TXNRD1: variants seen among roughly 807,000 people sequenced by gnomAD.
TXNRD1 encodes the protein thioredoxin reductase 1.
Under a neutral mutation model 80.3 loss-of-function variants are expected in TXNRD1, and 57 were observed. The observed-to-expected ratio is 0.71, with a 90% CI of 0.57 to 0.89. TXNRD1 has a LOEUF of 0.89. TXNRD1 is among the 40% of genes least tolerant of loss of function. The probability of loss-of-function intolerance (pLI) is 0.00; values close to 1 mark genes in which losing one functional copy is unlikely to be tolerated. For synonymous variants in TXNRD1, 291 were observed against 285.2 expected (o/e 1.02, Z -0.20); for missense variants, 730 against 803.0 (o/e 0.91, Z 1.10).
intron 8 of TXNRD1, 25 bp downstream of exon 8, chr12:104,319,080 CT>C (rs369071091): frequency 0.045 from 47,142 of 1,041,420 alleles, 61 homozygotes; most frequent in South Asian, 0.064. Flanking sequence ...TCCTGACTAG[CT>C]TTTTTTTTTT....
chr12:104,232,252 C>G (rs985003795), intron 1 of TXNRD1, among the ~76,000 whole-genome samples: 2 of 152,130 alleles, frequency 1.3e-5, no homozygotes, highest in Admixed American at 1.3e-4. Context: ...AAACTTGGAG[C>G]TCCTGGCCTA....
rs767383558 is a variant in TXNRD1, at chr12:104,310,034, C to G, written c.415-1256C>G. 13 of 1,536,102 alleles carry G rather than the reference C, an allele frequency of 8.5e-6. No individual in the cohort carries two copies. The African/African-American group carries it at 1.5e-4, about 18-fold the overall frequency. On this transcript the variant is annotated intron_variant, in intron 4 of 16. Coordinates refer to ENST00000525566, the MANE Select transcript of TXNRD1 (RefSeq NM_001093771.3). ...CCAAGAACCTTCTTCTTCCGCTGAC[C>G]CCAAGCTCTGCCTTTCACCCCCTAC...
intron 15 of TXNRD1, among the ~76,000 whole-genome samples, chr12:104,337,062 A>G (rs1003494367): frequency 4.6e-5 from 7 of 152,112 alleles, no homozygotes; most frequent in Non-Finnish European, 7.4e-5. Flanking sequence ...CACATTATAC[A>G]GTGTTCGTGG....
rs184056265 is a variant in TXNRD1 at position 104,316,413 on chromosome 12, G to A, written c.730+517G>A. 4.4e-3 allele frequency among the ~76,000 whole-genome samples: 668 copies of A among 152,138 alleles called. 2 individuals carry two copies. The highest frequency in any genetic ancestry group is 0.014 in the Middle Eastern group (4 of 294). Reference sequence around the variant, plus strand: ...TTTTATTTATTTATTTATTTGAGACGGAGTCTCACTCTGTCGCCCAGGCTG... The same window carrying A: ...TTTTATTTATTTATTTATTTGAGACAGAGTCTCACTCTGTCGCCCAGGCTG... On this transcript the variant is annotated intron_variant, in intron 7 of 16. Coordinates refer to ENST00000525566, the MANE Select transcript of TXNRD1 (RefSeq NM_001093771.3).
chr12:104,284,302 C>T (rs1223159811), intron 3 of TXNRD1: 2 of 152,116 alleles, frequency 1.3e-5, no homozygotes, highest in Non-Finnish European at 2.9e-5. Context: ...AAGTGGAGTA[C>T]AGAATATGTG....
At chr12:104,257,915 G>A in intron 2 of TXNRD1, 104 bp from the exon 3 acceptor site, 1 of 827,166 alleles carries the variant, frequency 1.2e-6, no homozygotes, top group South Asian at 1.6e-5. Context: ...GTTTTCAAAG[G>A]TGAAGGCTGG....
At chr12:104,304,327 G>A (rs1593793909) in intron 4 of TXNRD1, 2 of 1,614,054 alleles carry the variant, frequency 1.2e-6, no homozygotes, top group Non-Finnish European at 1.7e-6. Context: ...GTCTGAATTG[G>A]ATGGAAGGCG....
chr12:104,318,809 T>G, intron 7 of TXNRD1, 104 bp from the exon 8 acceptor site: 1 of 1,287,436 alleles, frequency 7.8e-7, no homozygotes, highest in Non-Finnish European at 1.1e-6. Flanking sequence ...TCAGATTGCC[T>G]TTTAGAGCTC....
At chr12:104,224,244 A>G (rs1347459160) in intron 1 of TXNRD1, among the ~76,000 whole-genome samples, 2 of 152,134 alleles carry the variant, frequency 1.3e-5, no homozygotes, top group Admixed American at 6.6e-5. Context: ...CCCAGTCCAA[A>G]TGACAGTTTT....
chr12:104,259,696 G>A (rs1398808125), intron 3 of TXNRD1, among the ~76,000 whole-genome samples: 1 of 151,576 alleles, frequency 6.6e-6, no homozygotes, highest in Non-Finnish European at 1.5e-5. Context: ...TCTCCATGTT[G>A]AGGCTGGTCT....
At chr12:104,282,352 C>G (rs1205760381) in intron 3 of TXNRD1, among the ~76,000 whole-genome samples, 1 of 152,178 alleles carries the variant, frequency 6.6e-6, no homozygotes, top group Non-Finnish European at 1.5e-5. Flanking sequence ...ATTCTTGGAG[C>G]AATGTTTTGT....
intron 15 of TXNRD1, among the ~76,000 whole-genome samples, chr12:104,335,639 A>G (rs912182591): frequency 6.6e-6 from 1 of 152,192 alleles, no homozygotes; most frequent in Admixed American, 6.5e-5. Flanking sequence ...GGACACTGGT[A>G]TATTCATATA....
chr12:104,248,457 G>C (rs925031928), intron 1 of TXNRD1, among the ~76,000 whole-genome samples: 3 of 152,042 alleles, frequency 2.0e-5, no homozygotes, highest in African/African-American at 7.2e-5. Context: ...GCTAATTTTC[G>C]TATTTTAAGT....
chr12:104,304,658 T>C (rs1437854214), intron 4 of TXNRD1: 1 of 1,613,966 alleles, frequency 6.2e-7, no homozygotes, highest in Non-Finnish European at 8.5e-7. Flanking sequence ...TCCTGTGTCC[T>C]ATTTTGAGTT....
chr12:104,271,672 G>A (rs1209259190), intron 3 of TXNRD1, among the ~76,000 whole-genome samples: 1 of 152,128 alleles, frequency 6.6e-6, no homozygotes, highest in Non-Finnish European at 1.5e-5. Context: ...ATGGTGGAAT[G>A]TCATCAGTTA....
chr12:104,265,982 A>C, intron 3 of TXNRD1: 1 of 604,390 alleles, frequency 1.7e-6, no homozygotes, highest in Non-Finnish European at 2.8e-6. Flanking sequence ...AAGAAATAAT[A>C]ATAGGTTTTT....
intron 3 of TXNRD1, among the ~76,000 whole-genome samples, chr12:104,279,796 G>A (rs1054839536): frequency 6.6e-6 from 1 of 152,076 alleles, no homozygotes; most frequent in Admixed American, 6.5e-5. Context: ...CAGGCACGGT[G>A]GCTCACCCCT....
intron 2 of TXNRD1, among the ~76,000 whole-genome samples, chr12:104,256,301 A>G (rs2033246557): frequency 6.6e-6 from 1 of 152,234 alleles, no homozygotes; most frequent in Non-Finnish European, 1.5e-5. Flanking sequence ...CCGCTCTTGC[A>G]TAACACATTA....
At chr12:104,236,895 CT>C (rs1450940415) in intron 1 of TXNRD1, among the ~76,000 whole-genome samples, 16 of 151,044 alleles carry the variant, frequency 1.1e-4, no homozygotes, top group African/African-American at 3.6e-4. Flanking sequence ...GAAAAAGGCT[CT>C]TTTCTTCTCA....
Sources: gnomAD v4.1 joint callset for allele counts (sites outside exome capture counted in the v4.1 genomes callset) on GRCh38, gnomAD v4.1.1 for gene constraint, MANE v1.5 for transcripts, NCBI Gene and HGNC (gene_info 2026-07-23, HGNC 2026-07-21) for gene names.